Variants in GNA14 observed in about 807,000 individuals in gnomAD.
The protein encoded by GNA14 is G protein subunit alpha 14.
A neutral mutation model predicts 42.0 loss-of-function variants in GNA14; 50 were observed. That is an observed-to-expected ratio of 1.19 (90% CI 0.95 to 1.51). The LOEUF is 1.51. Ranked by LOEUF, GNA14 falls within the 40% of genes most tolerant of loss-of-function variation. The pLI is 0.00. For missense variants in GNA14, 473 were observed against 446.2 expected (o/e 1.06, Z -0.54); for synonymous variants, 173 against 163.1 (o/e 1.06, Z -0.46).
intron 1 of GNA14, among the ~76,000 whole-genome samples, chr9:77,558,311 C>T (rs992693569): frequency 1.3e-5 from 2 of 151,910 alleles, no homozygotes; most frequent in African/African-American, 4.8e-5. Flanking sequence ...GACAGACAGA[C>T]AAATAGATAA....
chr9:77,457,523 G>A (rs927356889), intron 2 of GNA14, among the ~76,000 whole-genome samples: 1 of 152,178 alleles, frequency 6.6e-6, no homozygotes, highest in African/African-American at 2.4e-5. Flanking sequence ...CTGTGTGATG[G>A]ACCGGCAATG....
chr9:77,498,082 A>G (rs1836901836), intron 2 of GNA14, among the ~76,000 whole-genome samples: 1 of 152,162 alleles, frequency 6.6e-6, no homozygotes, highest in South Asian at 2.1e-4. Flanking sequence ...ACCCAAATGA[A>G]AACAAGCTGT....
intron 1 of GNA14, among the ~76,000 whole-genome samples, chr9:77,605,193 T>C (rs1386306698): frequency 2.6e-5 from 4 of 152,378 alleles, no homozygotes; most frequent in African/African-American, 7.2e-5. Context: ...TGCTTCTTTA[T>C]TGTCCACACA....
chr9:77,640,213 T>C (rs1824236589), intron 1 of GNA14, among the ~76,000 whole-genome samples: 2 of 152,216 alleles, frequency 1.3e-5, no homozygotes, highest in African/African-American at 2.4e-5. Context: ...CACTTGCTCT[T>C]TCTCATTTAT....
chr9:77,580,634 T>A (rs1374768605), intron 1 of GNA14: 2 of 400,010 alleles, frequency 5.0e-6, no homozygotes, highest in Admixed American at 2.9e-5. Flanking sequence ...GCTGACCTCC[T>A]CTCAGCCAGG....
intron 2 of GNA14, among the ~76,000 whole-genome samples, chr9:77,478,957 T>C (rs1416291311): frequency 6.6e-6 from 1 of 152,096 alleles, no homozygotes; most frequent in African/African-American, 2.4e-5. Flanking sequence ...GTTGAGAAAA[T>C]TTTCTCCCAT....
At chr9:77,546,215 C>CAAAAAA (rs764378681) in intron 1 of GNA14, among the ~76,000 whole-genome samples, 8 of 42,884 alleles carry the variant, frequency 1.9e-4, no homozygotes, top group East Asian at 6.2e-4. Context: ...AGCTCCATCT[C>CAAAAAA]AAAAAAAAAA....
chr9:77,457,453 G>C (rs1321914091), intron 2 of GNA14, among the ~76,000 whole-genome samples: 1 of 152,160 alleles, frequency 6.6e-6, no homozygotes, highest in African/African-American at 2.4e-5. Context: ...AAGGGACTAA[G>C]CCCAATTGTG....
chr9:77,643,815 G>C (rs1256889432), intron 1 of GNA14, among the ~76,000 whole-genome samples: 1 of 152,150 alleles, frequency 6.6e-6, no homozygotes, highest in Non-Finnish European at 1.5e-5. Context: ...GCAACCCACA[G>C]TTGGTCAACT....
chr9:77,555,115 TA>T (rs1490588853), intron 1 of GNA14, among the ~76,000 whole-genome samples: 1 of 152,226 alleles, frequency 6.6e-6, no homozygotes, highest in Non-Finnish European at 1.5e-5. Context: ...TTAGATATGA[TA>T]ATTTTATTGT....
At chr9:77,511,626 G>A (rs1163783232) in intron 2 of GNA14, among the ~76,000 whole-genome samples, 3 of 152,086 alleles carry the variant, frequency 2.0e-5, no homozygotes, top group Admixed American at 6.6e-5. Context: ...CATAATCCAG[G>A]CAGAATCCCA....
chr9:77,592,308 G>A (rs1177770617), intron 1 of GNA14, among the ~76,000 whole-genome samples: 1 of 152,184 alleles, frequency 6.6e-6, no homozygotes, highest in Non-Finnish European at 1.5e-5. Flanking sequence ...GTGTGTGTGT[G>A]CTTACACGCG....
At chr9:77,509,739 G>C (rs917353129) in intron 2 of GNA14, among the ~76,000 whole-genome samples, 1 of 152,130 alleles carries the variant, frequency 6.6e-6, no homozygotes, top group Non-Finnish European at 1.5e-5. Context: ...GTATAGGTTG[G>C]TGAGAAAGTA....
chr9:77,621,472 A>T (rs1403583122), intron 1 of GNA14, among the ~76,000 whole-genome samples: 1 of 152,200 alleles, frequency 6.6e-6, no homozygotes. Context: ...ACACAGAATA[A>T]ATTGGCTTCA....
At position 77,638,427 on chromosome 9, in the gene GNA14, G is replaced by C. The variant is rs1393688324; in HGVS notation, c.124+9243C>G. On this transcript the variant is annotated intron_variant, in intron 1 of 6. Coordinates refer to ENST00000341700, the MANE Select transcript of GNA14 (RefSeq NM_004297.4). ...ATTTCAGGTAGTGTGATCTGGAAAG[G>C]CCTTGTCAAGAGATGAACTTTTGAG... 2.0e-5 allele frequency among the ~76,000 whole-genome samples: 3 copies of C among 152,332 alleles called. No individual in the cohort carries two copies. The East Asian group carries it at 5.8e-4, about 29-fold the overall frequency.
chr9:77,483,355 G>A (rs1238312775), intron 2 of GNA14, among the ~76,000 whole-genome samples: 1 of 152,178 alleles, frequency 6.6e-6, no homozygotes, highest in Non-Finnish European at 1.5e-5. Context: ...AGGAGCAGTG[G>A]CTGCCGAACA....
chr9:77,595,755 A>T (rs894657684), intron 1 of GNA14, among the ~76,000 whole-genome samples: 3 of 152,190 alleles, frequency 2.0e-5, no homozygotes, highest in African/African-American at 7.2e-5. Context: ...GCAGGAAATG[A>T]ATTTTACCAT....
chr9:77,431,183 T>G, intron 4 of GNA14, 138 bp downstream of exon 4: 1 of 750,562 alleles, frequency 1.3e-6, no homozygotes, highest in Non-Finnish European at 2.1e-6. Context: ...CTACCACAAT[T>G]CTAAATACCC....
intron 2 of GNA14, among the ~76,000 whole-genome samples, chr9:77,495,631 G>A (rs1453962105): frequency 6.6e-6 from 1 of 152,138 alleles, no homozygotes; most frequent in Non-Finnish European, 1.5e-5. Context: ...TGAGTGATAG[G>A]TACAAAGGTT....
Sources: gnomAD v4.1 joint callset for allele counts (sites outside exome capture counted in the v4.1 genomes callset) on GRCh38, gnomAD v4.1.1 for gene constraint, MANE v1.5 for transcripts, NCBI Gene and HGNC (gene_info 2026-07-23, HGNC 2026-07-21) for gene names.